Variants in ANKRD30A observed in about 807,000 individuals in gnomAD.
ANKRD30A encodes the protein ankyrin repeat domain-containing protein 30A.
ANKRD30A carries 170 observed loss-of-function variants against 166.3 expected under a neutral mutation model. The ratio of observed to expected loss-of-function variants is 1.02; its 90% CI spans 0.90 to 1.16. ANKRD30A has a LOEUF of 1.16. Among genes scored for constraint, ANKRD30A ranks in the 50% most tolerant of loss-of-function variants. The probability of loss-of-function intolerance (pLI) is 0.00; values close to 1 mark genes in which losing one functional copy is unlikely to be tolerated. For missense variants in ANKRD30A, 1,630 were observed against 1,518.0 expected, an observed-to-expected ratio of 1.07 and a Z score of -1.23; for synonymous variants, 564 against 508.9, an observed-to-expected ratio of 1.11 and a Z score of -1.46.
At chr10:37,171,425 C>T (rs1422346658) in intron 21 of ANKRD30A, among the ~76,000 whole-genome samples, 1 of 149,626 alleles carries the variant, frequency 6.7e-6, no homozygotes, top group African/African-American at 2.5e-5. Context: ...ATACGCATTA[C>T]AACTGTTACT....
At chr10:37,196,093 ATTTTTTTT>A (rs749036981) in intron 27 of ANKRD30A, among the ~76,000 whole-genome samples, 8 of 129,458 alleles carry the variant, frequency 6.2e-5, no homozygotes, top group African/African-American at 2.0e-4. Flanking sequence ...TATATTTTCT[ATTTTTTTT>A]TTTTTTTTTT....
chr10:37,196,063 T>C (rs1291614217), intron 27 of ANKRD30A, among the ~76,000 whole-genome samples: 1 of 150,856 alleles, frequency 6.6e-6, no homozygotes, highest in Non-Finnish European at 1.5e-5. Flanking sequence ...GGAAGAATTC[T>C]ACAGAGTTAG....
At chr10:37,127,581 A>G (rs1210931450) in intron 1 of ANKRD30A, among the ~76,000 whole-genome samples, 1 of 152,174 alleles carries the variant, frequency 6.6e-6, no homozygotes, top group Non-Finnish European at 1.5e-5. Context: ...ATCAACAAAA[A>G]ACCCTCTAAT....
At chr10:37,228,269 G>T (rs540389105) in intron 34 of ANKRD30A, among the ~76,000 whole-genome samples, 1 of 152,082 alleles carries the variant, frequency 6.6e-6, no homozygotes, top group East Asian at 1.9e-4. Flanking sequence ...ATATGAAGAA[G>T]CATTGTGGTA....
chr10:37,228,434 T>C (rs1472495621), intron 34 of ANKRD30A, among the ~76,000 whole-genome samples: 2 of 152,000 alleles, frequency 1.3e-5, no homozygotes, highest in African/African-American at 4.8e-5. Flanking sequence ...CTTTATTTTC[T>C]CATTGAAGAA....
chr10:37,198,821 T>C (rs899390719), intron 29 of ANKRD30A, among the ~76,000 whole-genome samples: 36 of 152,268 alleles, frequency 2.4e-4, no homozygotes, highest in African/African-American at 8.2e-4. Context: ...AATGGTCTTT[T>C]AAGTTTTAGT....
intron 31 of ANKRD30A, among the ~76,000 whole-genome samples, chr10:37,209,370 A>G (rs931018292): frequency 1.3e-5 from 2 of 152,108 alleles, no homozygotes; most frequent in African/African-American, 4.8e-5. Context: ...GAAGCTTACA[A>G]TTATGGTGGA....
At chr10:37,239,388 A>G in the ANKRD30A span, among the ~76,000 whole-genome samples, 1 of 152,060 alleles carries the variant, frequency 6.6e-6, no homozygotes, top group Non-Finnish European at 1.5e-5. Flanking sequence ...AATGTAGATC[A>G]CATGATATTT....
chr10:37,161,424 TAC>T (rs1012161406), intron 15 of ANKRD30A, among the ~76,000 whole-genome samples: 3 of 152,338 alleles, frequency 2.0e-5, no homozygotes, highest in African/African-American at 4.8e-5. Context: ...GGAAGAATTC[TAC>T]AGAGTTAGAG....
chr10:37,133,159 T>C (rs1836479614), intron 4 of ANKRD30A, among the ~76,000 whole-genome samples: 1 of 152,188 alleles, frequency 6.6e-6, no homozygotes, highest in Non-Finnish European at 1.5e-5. Context: ...TATTATTATT[T>C]TTCCTTTTTT....
At chr10:37,243,423 C>T in the ANKRD30A span, among the ~76,000 whole-genome samples, 8 of 151,780 alleles carry the variant, frequency 5.3e-5, no homozygotes, top group East Asian at 1.4e-3. Context: ...GGATTACAGG[C>T]GTGAGCTACC....
At chr10:37,246,329 A>C in the ANKRD30A span, among the ~76,000 whole-genome samples, 2 of 152,214 alleles carry the variant, frequency 1.3e-5, no homozygotes, top group African/African-American at 4.8e-5. Context: ...TTGTTAATCT[A>C]ACCTTGCATT....
chr10:37,221,846 A>G (rs1011236575), intron 34 of ANKRD30A, among the ~76,000 whole-genome samples: 14 of 151,330 alleles, frequency 9.3e-5, no homozygotes, highest in African/African-American at 3.1e-4. Flanking sequence ...CCAGAAAATT[A>G]TCTTATTTCT....
At chr10:37,158,075 ACTT>A (rs979171501) in intron 13 of ANKRD30A, among the ~76,000 whole-genome samples, 2 of 152,016 alleles carry the variant, frequency 1.3e-5, no homozygotes, top group Non-Finnish European at 2.9e-5. Flanking sequence ...ATTAAATACA[ACTT>A]CTTTCCTTAT....
the ANKRD30A span, among the ~76,000 whole-genome samples, chr10:37,255,788 C>G: frequency 6.6e-6 from 1 of 152,228 alleles, no homozygotes; most frequent in Admixed American, 6.5e-5. Flanking sequence ...CAGATATAAT[C>G]ATTTCTAAGC....
intron 7 of ANKRD30A, 39 bp from the exon 8 acceptor site, chr10:37,144,956 A>G (rs764834907): frequency 1.5e-5 from 21 of 1,414,900 alleles, no homozygotes; most frequent in Non-Finnish European, 2.1e-5. Context: ...TATAATAAGA[A>G]ATGTTATCAT....
chr10:37,237,530 G>C (rs974502249), downstream of ANKRD30A, among the ~76,000 whole-genome samples: 5 of 151,974 alleles, frequency 3.3e-5, no homozygotes, highest in Non-Finnish European at 7.4e-5. Context: ...TTGTTTATGC[G>C]AGAGCCTTGC....
At chr10:37,247,450 G>A in the ANKRD30A span, among the ~76,000 whole-genome samples, 10 of 152,038 alleles carry the variant, frequency 6.6e-5, no homozygotes, top group African/African-American at 2.2e-4. Flanking sequence ...TTTGGAGGGT[G>A]TTCTGGGGCA....
chr10:37,216,216 C>T lies in ANKRD30A; in HGVS notation c.2905C>T (p.His969Tyr). ...TSLSKILDTV[H>Y]SCERARELQK... ...CCTATCAAAAATCTTGGATACAGTTCATTCTTGTGAAAGAGCAAGGGAACT... is the reference window on the plus strand; with the variant it reads ...CCTATCAAAAATCTTGGATACAGTTTATTCTTGTGAAAGAGCAAGGGAACT... The change falls in exon 32 of 36, where the codon CAT becomes TAT. Residue 969 changes from histidine to tyrosine, a missense_variant. By Grantham distance (83) the His-to-Tyr change is moderately conservative. Around this residue, in one of 4 missense-constraint regions of ANKRD30A, gnomAD observed 712 missense variants for 629.3 expected, o/e 1.13. Coordinates refer to ENST00000361713, the MANE Select transcript of ANKRD30A (RefSeq NM_052997.3). 3.1e-6 allele frequency: 5 copies of T among 1,605,884 alleles called. No individual in the cohort carries two copies. The highest frequency in any genetic ancestry group is 4.3e-6 in the Non-Finnish European group (5 of 1,174,292).
Sources: gnomAD v4.1 joint callset for allele counts (sites outside exome capture counted in the v4.1 genomes callset) on GRCh38, gnomAD v4.1.1 for gene constraint, gnomAD v4.1.1 regional missense constraint, MANE v1.5 for transcripts, NCBI Gene and HGNC (gene_info 2026-07-23, HGNC 2026-07-21) for gene names.